LRBA: variants seen among roughly 807,000 people sequenced by gnomAD.
LRBA encodes the protein LPS responsive beige-like anchor protein.
Under a neutral mutation model 330.0 loss-of-function variants are expected in LRBA, and 176 were observed. The ratio of observed to expected loss-of-function variants is 0.53; its 90% CI spans 0.47 to 0.60. The LOEUF is 0.60. Among genes scored for constraint, LRBA ranks in the 20% least tolerant of loss-of-function variants. The probability of loss-of-function intolerance (pLI) is 0.00; values close to 1 mark genes in which losing one functional copy is unlikely to be tolerated. For synonymous variants in LRBA, 1,230 were observed against 1,193.0 expected, an observed-to-expected ratio of 1.03 and a Z score of -0.64; for missense variants, 3,259 against 3,444.8, an observed-to-expected ratio of 0.95 and a Z score of 1.35.
intron 51 of LRBA, 199 bp from the exon 52 acceptor site, chr4:150,310,583 A>T (rs1204657192): frequency 6.3e-6 from 3 of 477,994 alleles, no homozygotes; most frequent in African/African-American, 5.9e-5. Context: ...TCAGTTAAAA[A>T]TTTTGCTTAG....
intron 32 of LRBA, among the ~76,000 whole-genome samples, chr4:150,807,100 A>AG (rs1186498937): frequency 2.0e-5 from 3 of 151,286 alleles, no homozygotes; most frequent in East Asian, 1.9e-4. Context: ...ACATTTAATG[A>AG]GGGTTTTTTT....
At chr4:150,788,168 G>C (rs1337035291) in intron 34 of LRBA, among the ~76,000 whole-genome samples, 1 of 151,578 alleles carries the variant, frequency 6.6e-6, no homozygotes, top group Non-Finnish European at 1.5e-5. Flanking sequence ...CGTCTCTCAG[G>C]TTCAAGCAAT....
chr4:150,537,838 C>T (rs752586743), intron 40 of LRBA, among the ~76,000 whole-genome samples: 1 of 151,984 alleles, frequency 6.6e-6, no homozygotes, highest in Non-Finnish European at 1.5e-5. Context: ...GCCCGTAGTC[C>T]CAGCTATTTG....
intron 48 of LRBA, among the ~76,000 whole-genome samples, chr4:150,337,174 T>C (rs916727601): frequency 2.0e-5 from 3 of 152,144 alleles, no homozygotes; most frequent in African/African-American, 7.2e-5. Flanking sequence ...AACTATGTCA[T>C]GAAAAGCAGC....
intron 17 of LRBA, among the ~76,000 whole-genome samples, chr4:150,873,899 G>A (rs998755282): frequency 1.3e-5 from 2 of 152,028 alleles, no homozygotes; most frequent in Admixed American, 6.6e-5. Flanking sequence ...TTTAAAACAT[G>A]AACTAAAGGC....
At chr4:150,412,896 C>A (rs149492652) in intron 47 of LRBA, among the ~76,000 whole-genome samples, 12 of 150,286 alleles carry the variant, frequency 8.0e-5, no homozygotes, top group Admixed American at 8.0e-4. Context: ...TTTTTTAAAT[C>A]GTGATTCAAA....
chr4:150,732,134 C>A (rs1582178482), intron 36 of LRBA, among the ~76,000 whole-genome samples: 1 of 151,950 alleles, frequency 6.6e-6, no homozygotes, highest in Non-Finnish European at 1.5e-5. Flanking sequence ...AATTTATTAA[C>A]CTTCTATTCT....
chr4:150,724,602 T>G (rs976687549), intron 36 of LRBA, among the ~76,000 whole-genome samples: 1 of 152,018 alleles, frequency 6.6e-6, no homozygotes, highest in African/African-American at 2.4e-5. Flanking sequence ...AGGAACCAAT[T>G]CTGACGAAAC....
At chr4:150,645,889 G>GC (rs1051865778) in intron 37 of LRBA, among the ~76,000 whole-genome samples, 46 of 96,640 alleles carry the variant, frequency 4.8e-4, no homozygotes, top group Non-Finnish European at 6.4e-4. Flanking sequence ...AATGTTACCC[G>GC]CCCCCCTCCC....
intron 44 of LRBA, among the ~76,000 whole-genome samples, chr4:150,452,851 A>G (rs191105655): frequency 1.6e-3 from 240 of 152,296 alleles, no homozygotes; most frequent in Non-Finnish European, 2.4e-3. Flanking sequence ...TAGTAATAAT[A>G]ATTGAGTTTA....
Position 150,981,374 on chromosome 4 carries a change from T to C in LRBA, c.216+33053A>G, listed in dbSNP as rs866128715. Among the ~76,000 whole-genome samples, 4 of 145,494 alleles carry C rather than the reference T, an allele frequency of 2.7e-5. No homozygotes were observed. The Middle Eastern group carries it at 0.011, about 401-fold the overall frequency. On this transcript the variant is annotated intron_variant, in intron 2 of 56. Transcript: ENST00000651943. ...GTTGTGGTGAGCTGAGATCACACCATTGCACTCCAGCCTCGGCGACGGAGT... is the reference window on the plus strand; with the variant it reads ...GTTGTGGTGAGCTGAGATCACACCACTGCACTCCAGCCTCGGCGACGGAGT...
chr4:150,645,865 C>T (rs1179260498), intron 37 of LRBA, among the ~76,000 whole-genome samples: 1 of 151,274 alleles, frequency 6.6e-6, no homozygotes, highest in African/African-American at 2.4e-5. Flanking sequence ...TAACTATGAA[C>T]CCCAATTAAG....
intron 37 of LRBA, among the ~76,000 whole-genome samples, chr4:150,646,784 T>TA (rs1264232148): frequency 1.3e-5 from 2 of 152,118 alleles, no homozygotes; most frequent in Admixed American, 1.3e-4. Context: ...TTTGAAATGC[T>TA]AAAAAATCCA....
At chr4:150,978,011 A>C (rs1396294466) in intron 2 of LRBA, among the ~76,000 whole-genome samples, 1 of 152,228 alleles carries the variant, frequency 6.6e-6, no homozygotes, top group Non-Finnish European at 1.5e-5. Context: ...CCAACTGCTG[A>C]TGGTAGAGCC....
intron 30 of LRBA, among the ~76,000 whole-genome samples, chr4:150,827,905 C>A (rs990773827): frequency 6.6e-6 from 1 of 151,984 alleles, no homozygotes; most frequent in Non-Finnish European, 1.5e-5. Flanking sequence ...CCTGGCCTTC[C>A]TTATGATTTT....
chr4:150,597,756 A>G (rs1773671598), intron 38 of LRBA, among the ~76,000 whole-genome samples: 1 of 152,030 alleles, frequency 6.6e-6, no homozygotes, highest in South Asian at 2.1e-4. Context: ...GAAATCTGTT[A>G]TCACCACCTA....
In LRBA at chr4:150,623,340, G is replaced by C. The variant is rs189038638; in HGVS notation, c.5922-24209C>G. On this transcript the variant is annotated intron_variant, in intron 37 of 56. Coordinates refer to ENST00000651943, the MANE Select transcript of LRBA (RefSeq NM_001364905.1). ...CATATTCATTCAGAAAGATGAATCT[G>C]ACAAGATTGCAGCACCTCTAAATAA... Among the ~76,000 whole-genome samples, 252 of 152,218 alleles carry C rather than the reference G, an allele frequency of 1.7e-3. 2 individuals are homozygous for C. The highest frequency in any genetic ancestry group is 3.4e-3 in the Middle Eastern group (1 of 294).
intron 46 of LRBA, among the ~76,000 whole-genome samples, chr4:150,427,198 A>G (rs1039267835): frequency 1.3e-5 from 2 of 152,002 alleles, no homozygotes; most frequent in African/African-American, 4.8e-5. Flanking sequence ...TCACCAGTCA[A>G]AAAACAAATC....
At chr4:150,926,763 A>G (rs377673231) in intron 4 of LRBA, among the ~76,000 whole-genome samples, 1 of 152,218 alleles carries the variant, frequency 6.6e-6, no homozygotes, top group South Asian at 2.1e-4. Context: ...AAAATATTTA[A>G]AAGAACCAAA....
Sources: gnomAD v4.1 joint callset for allele counts (sites outside exome capture counted in the v4.1 genomes callset) on GRCh38, gnomAD v4.1.1 for gene constraint, MANE v1.5 for transcripts, NCBI Gene and HGNC (gene_info 2026-07-23, HGNC 2026-07-21) for gene names.